The following PTPRD variants were observed in gnomAD, a reference collection of about 807,000 sequenced individuals.
PTPRD encodes protein tyrosine phosphatase receptor type D, also known as receptor-type tyrosine-protein phosphatase delta.
A neutral mutation model predicts 214.5 loss-of-function variants in PTPRD; 34 were observed. The observed-to-expected ratio is 0.16, with a 90% CI of 0.12 to 0.21. The LOEUF is 0.21. Ranked by LOEUF, PTPRD falls within the 10% of genes least tolerant of loss-of-function variation. The pLI is 1.00. For missense variants in PTPRD, 2,545 were observed against 2,398.7 expected, an observed-to-expected ratio of 1.06 and a Z score of -1.27; for synonymous variants, 1,128 against 845.7, an observed-to-expected ratio of 1.33 and a Z score of -5.79.
chr9:9,386,263 C>T (rs1384175335), intron 9 of PTPRD, among the ~76,000 whole-genome samples: 2 of 152,112 alleles, frequency 1.3e-5, no homozygotes, highest in African/African-American at 2.4e-5. Context: ...AGTCTACAGA[C>T]TCATGAACCA....
intron 21 of PTPRD, among the ~76,000 whole-genome samples, chr9:8,511,675 A>G (rs1188259440): frequency 1.3e-5 from 2 of 152,162 alleles, no homozygotes; most frequent in African/African-American, 4.8e-5. Flanking sequence ...CAGATTTACA[A>G]TAGGACATGG....
At chr9:8,729,251 CT>C (rs1028630680) in intron 12 of PTPRD, among the ~76,000 whole-genome samples, 39 of 152,212 alleles carry the variant, frequency 2.6e-4, no homozygotes, top group African/African-American at 8.9e-4. Flanking sequence ...TCTAAGAAGC[CT>C]TTTTTTAACC....
At chr9:8,376,569 G>C (rs372148257) in intron 38 of PTPRD, 38 bp downstream of exon 38, 1 of 1,611,366 alleles carries the variant, frequency 6.2e-7, no homozygotes, top group Non-Finnish European at 8.5e-7. Flanking sequence ...TTAAACAATA[G>C]AGAAGGGAAA....
intron 13 of PTPRD, among the ~76,000 whole-genome samples, chr9:8,633,953 G>C (rs144408073): frequency 6.6e-6 from 1 of 152,042 alleles, no homozygotes; most frequent in East Asian, 1.9e-4. Context: ...ACCACGAAAA[G>C]AAATTGCATA....
At chr9:8,554,180 T>C (rs551823424) in intron 14 of PTPRD, among the ~76,000 whole-genome samples, 8 of 152,216 alleles carry the variant, frequency 5.3e-5, no homozygotes, top group African/African-American at 1.7e-4. Context: ...AGGGCAAGAC[T>C]CTGTCTCAAA....
At chr9:10,145,102 A>G (rs986333673) in intron 3 of PTPRD, among the ~76,000 whole-genome samples, 8 of 152,110 alleles carry the variant, frequency 5.3e-5, no homozygotes, top group Admixed American at 1.3e-4. Context: ...CTACAGAGTT[A>G]CCCTGTGACA....
chr9:8,777,549 T>C (rs1401752439), intron 11 of PTPRD, among the ~76,000 whole-genome samples: 1 of 152,218 alleles, frequency 6.6e-6, no homozygotes, highest in Non-Finnish European at 1.5e-5. Flanking sequence ...AGCTAGTGCA[T>C]TTGTTTTTTA....
chr9:10,035,319 T>C (rs973043877), intron 3 of PTPRD, among the ~76,000 whole-genome samples: 1 of 152,278 alleles, frequency 6.6e-6, no homozygotes, highest in African/African-American at 2.4e-5. Context: ...TTATGTTCCT[T>C]ATACATACTG....
chr9:9,638,463 C>T (rs2095841296), intron 7 of PTPRD, among the ~76,000 whole-genome samples: 1 of 152,168 alleles, frequency 6.6e-6, no homozygotes, highest in Non-Finnish European at 1.5e-5. Context: ...TTCCTCGTTT[C>T]TGTGTAAAAC....
intron 12 of PTPRD, among the ~76,000 whole-genome samples, chr9:8,723,566 C>A (rs1285303078): frequency 6.6e-6 from 1 of 152,040 alleles, no homozygotes; most frequent in African/African-American, 2.4e-5. Context: ...TAGTCATGCG[C>A]TGAATGAAAA....
At chr9:9,834,499 T>A (rs949270896) in intron 5 of PTPRD, among the ~76,000 whole-genome samples, 11 of 151,922 alleles carry the variant, frequency 7.2e-5, no homozygotes, top group African/African-American at 2.4e-4. Context: ...CCCAGTGAGA[T>A]CTCCAATTCA....
At chr9:8,440,847 G>C (rs762307708) in intron 34 of PTPRD, among the ~76,000 whole-genome samples, 2 of 152,134 alleles carry the variant, frequency 1.3e-5, no homozygotes, top group Non-Finnish European at 2.9e-5. Context: ...TTTAACCTGA[G>C]AGGCACCTTA....
At chr9:10,230,885 A>T (rs991328128) in intron 3 of PTPRD, among the ~76,000 whole-genome samples, 1 of 151,852 alleles carries the variant, frequency 6.6e-6, no homozygotes, top group African/African-American at 2.4e-5. Flanking sequence ...TCTAGCGTTT[A>T]AAGTTTGTTT....
chr9:10,500,799 A>C (rs1488606875), intron 2 of PTPRD, among the ~76,000 whole-genome samples: 1 of 151,952 alleles, frequency 6.6e-6, no homozygotes, highest in Non-Finnish European at 1.5e-5. Flanking sequence ...GGACATGAGA[A>C]GTGTGTCTTT....
chr9:8,952,831 T>A (rs1407488938), intron 11 of PTPRD, among the ~76,000 whole-genome samples: 1 of 151,958 alleles, frequency 6.6e-6, no homozygotes, highest in Non-Finnish European at 1.5e-5. Context: ...TGAAGAATTT[T>A]TTTTGCTCAC....
intron 2 of PTPRD, among the ~76,000 whole-genome samples, chr9:10,488,541 G>A (rs1276847706): frequency 2.0e-5 from 3 of 152,104 alleles, no homozygotes; most frequent in Admixed American, 1.3e-4. Context: ...CTTCCATTCA[G>A]GATGGCAAGT....
intron 9 of PTPRD, among the ~76,000 whole-genome samples, chr9:9,228,518 T>C (rs1420813432): frequency 2.0e-5 from 3 of 152,122 alleles, no homozygotes; most frequent in Non-Finnish European, 2.9e-5. Flanking sequence ...ATCATATATA[T>C]AATTAATCTA....
chr9:9,762,608 T>C (rs1295966120), intron 6 of PTPRD, among the ~76,000 whole-genome samples: 3 of 152,198 alleles, frequency 2.0e-5, no homozygotes, highest in African/African-American at 7.2e-5. Flanking sequence ...ACTAGAACAC[T>C]ATTCAGCCAA....
intron 5 of PTPRD, among the ~76,000 whole-genome samples, chr9:9,816,558 A>T (rs2048836688): frequency 6.6e-6 from 1 of 152,092 alleles, no homozygotes; most frequent in African/African-American, 2.4e-5. Context: ...TTTGAATAAT[A>T]TATTGAACAA....
Sources: gnomAD v4.1 joint callset for allele counts (sites outside exome capture counted in the v4.1 genomes callset) on GRCh38, gnomAD v4.1.1 for gene constraint, MANE v1.5 for transcripts, NCBI Gene and HGNC (gene_info 2026-07-23, HGNC 2026-07-21) for gene names.